Variants in PALMD observed in about 807,000 individuals in gnomAD.
PALMD encodes the protein paralemmin-like protein.
In PALMD, 42 loss-of-function variants were observed where a neutral mutation model predicts 56.2. The observed-to-expected ratio is 0.75, with a 90% CI of 0.58 to 0.97. The LOEUF is 0.97. PALMD is among the 50% of genes least tolerant of loss of function. PALMD has a pLI of 0.00. For synonymous variants in PALMD, 242 were observed against 222.9 expected (o/e 1.09, Z -0.76); for missense variants, 660 against 643.8 (o/e 1.03, Z -0.27).
chr1:99,679,254 T>C (rs1413065328), intron 3 of PALMD, among the ~76,000 whole-genome samples: 2 of 152,178 alleles, frequency 1.3e-5, no homozygotes, highest in African/African-American at 2.4e-5. Flanking sequence ...GTAGTTACAT[T>C]GAAACTGCAG....
chr1:99,667,749 A>G lies in PALMD; in HGVS notation c.234A>G (p.Leu78=), dbSNP rs375307917. ...NQQDQHQIQV[L]EQSILRLEKE... ...AAGACCAGCACCAGATCCAGGTTCT[A>G]GAACAAAGTATCCTCAGGTATGGCC... Residue 78 remains leucine (L), a synonymous_variant, in exon 3 of 8, where the codon CTA becomes CTG. Coordinates refer to ENST00000263174, the MANE Select transcript of PALMD (RefSeq NM_017734.5). 1.9e-6 allele frequency: 3 copies of G among 1,613,678 alleles called. No individual in the cohort carries two copies. The highest frequency in any genetic ancestry group is 2.5e-6 in the Non-Finnish European group (3 of 1,179,652).
At chr1:99,652,485 T>G (rs1282128462) in intron 1 of PALMD, among the ~76,000 whole-genome samples, 1 of 151,946 alleles carries the variant, frequency 6.6e-6, no homozygotes, top group East Asian at 1.9e-4. Flanking sequence ...GCGCCTGTAA[T>G]CCCAGCTACT....
In PALMD at chr1:99,687,103, T is replaced by A. The variant is rs1347906071; in HGVS notation, c.428T>A (p.Ile143Asn). 6.2e-7 allele frequency: 1 copy of A among 1,602,616 alleles called. No individual in the cohort carries two copies. The highest frequency in any genetic ancestry group is 1.7e-5 in the Admixed American group (1 of 59,668). ...EESIEDIYAN[I>N]PDLPKSYIPS... ...TCAATTGAGGACATCTATGCTAATA[T>A]CCCTGACCTTCCAAAGTCCTACATA... Residue 143 changes from isoleucine to asparagine, a missense_variant, in exon 6 of 8, where the codon ATC becomes AAC. Coordinates refer to ENST00000263174, the MANE Select transcript of PALMD (RefSeq NM_017734.5).
At chr1:99,686,188 T>C (rs910340286) in intron 3 of PALMD, 1 of 152,224 alleles carries the variant, frequency 6.6e-6, no homozygotes, top group African/African-American at 2.4e-5. Context: ...AATGGTAGAA[T>C]ATGCAAGAAT....
intron 3 of PALMD, among the ~76,000 whole-genome samples, chr1:99,676,529 C>T (rs534341883): frequency 2.6e-4 from 39 of 152,118 alleles, no homozygotes; most frequent in Non-Finnish European, 4.4e-4. Context: ...TTTCTCATCC[C>T]TAATACCCCT....
At chr1:99,652,793 G>A (rs530286297) in intron 1 of PALMD, among the ~76,000 whole-genome samples, 15 of 152,144 alleles carry the variant, frequency 9.9e-5, no homozygotes, top group African/African-American at 2.7e-4. Context: ...ACAGTTTGAC[G>A]TGGAGCCAAG....
At chr1:99,676,533 T>C (rs1188979874) in intron 3 of PALMD, among the ~76,000 whole-genome samples, 1 of 152,136 alleles carries the variant, frequency 6.6e-6, no homozygotes, top group African/African-American at 2.4e-5. Flanking sequence ...TCATCCCTAA[T>C]ACCCCTCCCA....
chr1:99,671,760 T>C lies in PALMD; in HGVS notation c.251+3994T>C, dbSNP rs187330043. The stretch of plus-strand genomic sequence containing the variant: ...GTGGACCAGGCATTGTGCTAAACAT[T>C]TCATGTACATTATTTCATTGAGTTC... On this transcript the variant is annotated intron_variant, in intron 3 of 7. Transcript: ENST00000263174. Among the ~76,000 whole-genome samples, 762 of 152,252 alleles carry C rather than the reference T, an allele frequency of 5.0e-3. 3 individuals carry two copies. The highest frequency in any genetic ancestry group is 7.8e-3 in the Non-Finnish European group (531 of 68,012).
At chr1:99,667,616 C>A (rs1416542062) in intron 2 of PALMD, 26 bp from the exon 3 acceptor site, 1 of 1,603,154 alleles carries the variant, frequency 6.2e-7, no homozygotes, top group East Asian at 2.2e-5. Context: ...AATATAAGAA[C>A]ATATCTTTAT....
At chr1:99,657,019 C>T (rs1652739468) in intron 1 of PALMD, among the ~76,000 whole-genome samples, 2 of 152,290 alleles carry the variant, frequency 1.3e-5, no homozygotes, top group East Asian at 3.9e-4. Context: ...TAATATCAGA[C>T]TGATCCAAAA....
At chr1:99,692,315 G>A (rs1270114110) in intron 7 of PALMD, among the ~76,000 whole-genome samples, 1 of 152,160 alleles carries the variant, frequency 6.6e-6, no homozygotes. Context: ...ACCTGCAACA[G>A]CCATTAGAGT....
At chr1:99,674,802 A>G (rs1441831324) in intron 3 of PALMD, among the ~76,000 whole-genome samples, 1 of 152,228 alleles carries the variant, frequency 6.6e-6, no homozygotes, top group Non-Finnish European at 1.5e-5. Context: ...ACAATCCAGA[A>G]AGTGGGAGGT....
At chr1:99,651,580 C>A (rs1161641399) in intron 1 of PALMD, among the ~76,000 whole-genome samples, 1 of 152,182 alleles carries the variant, frequency 6.6e-6, no homozygotes, top group Non-Finnish European at 1.5e-5. Flanking sequence ...CAGTCTCTAA[C>A]TACCTACCCT....
At position 99,657,939 on chromosome 1, in the gene PALMD, C is replaced by T. The variant is rs148321818; in HGVS notation, c.46-4380C>T. The stretch of plus-strand genomic sequence containing the variant: ...GACATCAGCTAGGAACAACCTCTCC[C>T]TGTCTCCCCTCAACCTGCATCATAC... On this transcript the variant is annotated intron_variant, in intron 1 of 7. Coordinates refer to ENST00000263174, the MANE Select transcript of PALMD (RefSeq NM_017734.5). Among the ~76,000 whole-genome samples, 739 of 152,336 alleles carry T rather than the reference C, an allele frequency of 4.9e-3. 4 individuals carry two copies. Among genetic ancestry groups the T allele is most frequent in the African/African-American group, 0.016 (682 of 41,572 alleles).
At chr1:99,656,596 G>A (rs1652729237) in intron 1 of PALMD, among the ~76,000 whole-genome samples, 1 of 151,984 alleles carries the variant, frequency 6.6e-6, no homozygotes, top group Non-Finnish European at 1.5e-5. Flanking sequence ...CCTTCCAATT[G>A]TTTCAATTGG....
At chr1:99,685,343 A>C (rs1371058573) in intron 3 of PALMD, 2 of 152,188 alleles carry the variant, frequency 1.3e-5, no homozygotes, top group Non-Finnish European at 2.9e-5. Context: ...AAATTGGACC[A>C]ACATATATCC....
Position 99,686,918 on chromosome 1 carries a change from T to C in PALMD, c.367-12T>C. ...AACTGTATTAATCATGGAGAATTCTTTTTTCTTACAGTCTGTGAAAGTGGA... is the reference window on the plus strand; with the variant it reads ...AACTGTATTAATCATGGAGAATTCTCTTTTCTTACAGTCTGTGAAAGTGGA... On this transcript the variant is annotated splice_polypyrimidine_tract_variant and intron_variant, in intron 4 of 7. Transcript: ENST00000263174. The C allele has an allele frequency of 6.4e-7, 1 of 1,556,034 alleles. No homozygotes were observed. The highest frequency in any genetic ancestry group is 8.8e-7 in the Non-Finnish European group (1 of 1,134,628).
intron 1 of PALMD, among the ~76,000 whole-genome samples, chr1:99,657,514 G>GCCTAACTGAGTGT (rs1553167016): frequency 1.3e-5 from 2 of 151,904 alleles, no homozygotes; most frequent in Non-Finnish European, 2.9e-5. Flanking sequence ...TTGTGCAGTG[G>GCCTAACTGAGTGT]CCTAACTGAG....
At chr1:99,691,586 TG>T (rs1036235291) in intron 7 of PALMD, among the ~76,000 whole-genome samples, 1 of 152,212 alleles carries the variant, frequency 6.6e-6, no homozygotes, top group African/African-American at 2.4e-5. Flanking sequence ...AGAGCTGATG[TG>T]TATTTTTTAA....
Sources: gnomAD v4.1 joint callset for allele counts (sites outside exome capture counted in the v4.1 genomes callset) on GRCh38, gnomAD v4.1.1 for gene constraint, MANE v1.5 for transcripts, NCBI Gene and HGNC (gene_info 2026-07-23, HGNC 2026-07-21) for gene names.